Variants in DOCK5 observed in about 807,000 individuals in gnomAD.
DOCK5 encodes dedicator of cytokinesis 5.
A neutral mutation model predicts 251.8 loss-of-function variants in DOCK5; 142 were observed. That is an observed-to-expected ratio of 0.56 (90% CI 0.49 to 0.65). The LOEUF (loss-of-function observed/expected upper bound fraction) is 0.65. Ranked by LOEUF, DOCK5 falls within the 30% of genes least tolerant of loss-of-function variation. DOCK5 has a pLI of 0.00. For missense variants in DOCK5, 2,111 were observed against 2,312.3 expected (o/e 0.91, Z 1.79); for synonymous variants, 842 against 835.5 (o/e 1.01, Z -0.13).
intron 40 of DOCK5, among the ~76,000 whole-genome samples, chr8:25,387,287 T>C (rs1430750453): frequency 6.6e-6 from 1 of 151,542 alleles, no homozygotes; most frequent in African/African-American, 2.4e-5. Flanking sequence ...GCTCAGGCAA[T>C]CCTGCCTCAG....
chr8:25,368,055 T>C (rs1249261232), intron 31 of DOCK5, 137 bp from the exon 32 acceptor site: 10 of 662,826 alleles, frequency 1.5e-5, no homozygotes, highest in Non-Finnish European at 2.6e-5. Flanking sequence ...CTCGTTTAGG[T>C]ATGAACCTCA....
intron 48 of DOCK5, among the ~76,000 whole-genome samples, chr8:25,404,604 C>T (rs984323011): frequency 1.3e-5 from 2 of 152,130 alleles, no homozygotes; most frequent in African/African-American, 4.8e-5. Context: ...GATATTCAAC[C>T]TGTATATTCT....
chr8:25,376,062 A>G (rs1776352009), intron 37 of DOCK5: 3 of 974,150 alleles, frequency 3.1e-6, no homozygotes, highest in Admixed American at 1.2e-4. Flanking sequence ...TGGTGCCACC[A>G]TACTCCAGCC....
chr8:25,390,907 C>G (rs146786763), intron 42 of DOCK5, among the ~76,000 whole-genome samples: 1 of 151,948 alleles, frequency 6.6e-6, no homozygotes, highest in African/African-American at 2.4e-5. Flanking sequence ...CTCCCAAGTT[C>G]AAGCAATTCT....
At chr8:25,373,864 T>C (rs1800917372) in intron 36 of DOCK5, among the ~76,000 whole-genome samples, 1 of 152,010 alleles carries the variant, frequency 6.6e-6, no homozygotes, top group South Asian at 2.1e-4. Flanking sequence ...CTATGTGAGG[T>C]CATGTCAGGG....
At chr8:25,383,886 G>C (rs999268235) in intron 40 of DOCK5, among the ~76,000 whole-genome samples, 2 of 152,070 alleles carry the variant, frequency 1.3e-5, no homozygotes, top group African/African-American at 2.4e-5. Context: ...CTATAACCAA[G>C]AAAGATACCC....
chr8:25,411,503 C>A lies in DOCK5; in HGVS notation c.*205C>A. 1.7e-6 allele frequency: 1 copy of A among 598,502 alleles called. No individual in the cohort carries two copies. The highest frequency in any genetic ancestry group is 2.5e-6 in the Non-Finnish European group (1 of 400,114). The allele number at this position is 598,502 out of a possible 1,614,324, so 37.1% of individuals were successfully genotyped here. On this transcript the variant is annotated 3_prime_UTR_variant, in exon 52 of 52. Coordinates refer to ENST00000276440, the MANE Select transcript of DOCK5 (RefSeq NM_024940.8). ...AGGCCATGCCACCTCCCTTCCAGTC[C>A]ACATGGAATTCCAGAATCAGTCACA...
chr8:25,408,067 G>C lies in DOCK5; in HGVS notation c.5178G>C (p.Glu1726Asp), dbSNP rs747888032. 125 of 1,608,356 alleles carry C rather than the reference G, an allele frequency of 7.8e-5. No individual in the cohort carries two copies. In the Admixed American group the frequency reaches 2.1e-3, roughly 27 times the overall value. ...EDLSLREENS[E>D]NRISKFKRKD... ...TGTCCCTTAGAGAGGAGAACAGCGA[G>C]AACCGGATCAGCAAGTTTAAGAGAA... is the stretch of plus-strand genomic sequence containing the variant. The change falls in exon 49 of 52, where the codon GAG becomes GAC. Residue 1726 changes from glutamate to aspartate, a missense_variant. By Grantham distance (45) the Glu-to-Asp change is conservative. Coordinates refer to ENST00000276440, the MANE Select transcript of DOCK5 (RefSeq NM_024940.8).
intron 1 of DOCK5, among the ~76,000 whole-genome samples, chr8:25,207,180 C>T (rs1802020529): frequency 6.6e-6 from 1 of 151,814 alleles, no homozygotes; most frequent in Non-Finnish European, 1.5e-5. Context: ...GATTCATGGT[C>T]GATCAATAAA....
At chr8:25,339,079 G>C (rs915988516) in intron 22 of DOCK5, among the ~76,000 whole-genome samples, 1 of 152,124 alleles carries the variant, frequency 6.6e-6, no homozygotes, top group African/African-American at 2.4e-5. Context: ...CTGGGGAAGA[G>C]ACTGGCAATG....
chr8:25,221,601 C>G (rs1239889088), intron 1 of DOCK5, among the ~76,000 whole-genome samples: 3 of 151,966 alleles, frequency 2.0e-5, no homozygotes, highest in Non-Finnish European at 4.4e-5. Flanking sequence ...GCCACTGTGC[C>G]CGGCCCATTC....
At chr8:25,195,578 C>T (rs74410698) in intron 1 of DOCK5, among the ~76,000 whole-genome samples, 10,686 of 152,174 alleles carry the variant, frequency 0.07, 506 homozygotes, top group African/African-American at 0.12. Context: ...TTTGAACTTG[C>T]CAAGCTCAGC....
At chr8:25,298,341 G>A (rs1563192694) in intron 7 of DOCK5, among the ~76,000 whole-genome samples, 1 of 152,108 alleles carries the variant, frequency 6.6e-6, no homozygotes, top group Non-Finnish European at 1.5e-5. Context: ...GGATCATGAT[G>A]TTTGTGCTTT....
chr8:25,217,990 C>G (rs908857610), intron 1 of DOCK5, among the ~76,000 whole-genome samples: 3 of 152,178 alleles, frequency 2.0e-5, no homozygotes, highest in African/African-American at 7.2e-5. Flanking sequence ...AATTTGATTT[C>G]AAATACATCT....
chr8:25,336,179 C>A (rs1040886494), intron 21 of DOCK5, 60 bp from the exon 22 acceptor site: 24 of 1,556,920 alleles, frequency 1.5e-5, no homozygotes, highest in African/African-American at 5.4e-5. Flanking sequence ...AGATAACTTA[C>A]CCAAGCCTCA....
chr8:25,248,034 G>A (rs1353933319), intron 2 of DOCK5, among the ~76,000 whole-genome samples: 2 of 152,218 alleles, frequency 1.3e-5, no homozygotes, highest in African/African-American at 4.8e-5. Flanking sequence ...ATGTCAAGGC[G>A]TGAAGGGGAG....
intron 39 of DOCK5, among the ~76,000 whole-genome samples, chr8:25,381,362 T>TA (rs1801064492): frequency 6.6e-6 from 1 of 152,172 alleles, no homozygotes; most frequent in African/African-American, 2.4e-5. Flanking sequence ...CGGTGGCTCA[T>TA]ACCTGTAATC....
At chr8:25,404,795 T>G (rs891311100) in intron 48 of DOCK5, among the ~76,000 whole-genome samples, 2 of 152,140 alleles carry the variant, frequency 1.3e-5, no homozygotes, top group Non-Finnish European at 2.9e-5. Context: ...AAATTATTCC[T>G]AAACCGACTT....
intron 5 of DOCK5, among the ~76,000 whole-genome samples, chr8:25,279,230 C>G (rs544329334): frequency 6.6e-6 from 1 of 152,292 alleles, no homozygotes; most frequent in South Asian, 2.1e-4. Flanking sequence ...TCTCCCAACA[C>G]TGGTTTGACC....
Sources: allele counts gnomAD v4.1 joint callset (sites outside exome capture counted in the v4.1 genomes callset), GRCh38; gene constraint gnomAD v4.1.1; transcripts MANE v1.5; gene names NCBI Gene and HGNC (gene_info 2026-07-23, HGNC 2026-07-21).